PPP1R36: variants seen among roughly 807,000 people sequenced by gnomAD.
The protein encoded by PPP1R36 is protein phosphatase 1 regulatory subunit 36, also known as chromosome 14 open reading frame 50.
Under a neutral mutation model 53.4 loss-of-function variants are expected in PPP1R36, and 47 were observed. The ratio of observed to expected loss-of-function variants is 0.88; its 90% CI spans 0.70 to 1.12. PPP1R36 has a LOEUF of 1.12. Ranked by LOEUF, PPP1R36 falls within the 50% of genes most tolerant of loss-of-function variation. The probability of loss-of-function intolerance (pLI) is 0.00; values close to 1 mark genes in which losing one functional copy is unlikely to be tolerated. For synonymous variants in PPP1R36, 153 were observed against 170.5 expected (o/e 0.90, Z 0.80); for missense variants, 456 against 513.9 (o/e 0.89, Z 1.09).
chr14:64,565,826 C>A (rs969851456), intron 6 of PPP1R36, 134 bp downstream of exon 6: 4 of 686,544 alleles, frequency 5.8e-6, no homozygotes, highest in East Asian at 2.7e-5. Flanking sequence ...CCTCTCAGGA[C>A]CTAGTCACAA....
intron 8 of PPP1R36, among the ~76,000 whole-genome samples, chr14:64,580,301 C>T (rs901661215): frequency 7.9e-5 from 12 of 152,074 alleles, no homozygotes; most frequent in Non-Finnish European, 1.6e-4. Context: ...AACACCCTGC[C>T]TCAAAAAAAT....
At chr14:64,561,561 C>G (rs1451195581) in intron 3 of PPP1R36, among the ~76,000 whole-genome samples, 3 of 152,172 alleles carry the variant, frequency 2.0e-5, no homozygotes, top group Non-Finnish European at 4.4e-5. Flanking sequence ...TATCAGTTGT[C>G]AAGTTACTTA....
intron 3 of PPP1R36, 96 bp from the exon 4 acceptor site, chr14:64,564,655 A>T: frequency 1.3e-6 from 1 of 757,572 alleles, no homozygotes; most frequent in Non-Finnish European, 2.2e-6. Flanking sequence ...ATCTGCTGAT[A>T]ATATATGCTA....
intron 7 of PPP1R36, among the ~76,000 whole-genome samples, chr14:64,571,084 T>G (rs2080299587): frequency 6.6e-6 from 1 of 151,886 alleles, no homozygotes; most frequent in Non-Finnish European, 1.5e-5. Flanking sequence ...ATTAGAATTT[T>G]TAGCTTCTGA....
rs2080243247 is a variant in PPP1R36 at position 64,565,447 on chromosome 14, T to C, written c.360T>C (p.Asp120=). 2.5e-6 allele frequency: 4 copies of C among 1,608,148 alleles called. No individual in the cohort carries two copies. Among genetic ancestry groups the C allele is most frequent in the Non-Finnish European group, 3.4e-6 (4 of 1,174,762 alleles). Residue 120 remains aspartate, a synonymous_variant, in exon 5 of 12, where the codon GAT becomes GAC. Transcript: ENST00000298705. ...RGQQGTITLD[D]VKFVTLLLLQ... is the part of the protein sequence containing the mutation. Reference sequence around the variant, plus strand: ...AACAGGGCACCATTACACTGGATGATGTTAAATGTGAGTAACTGTTTCTTT... The same window carrying C: ...AACAGGGCACCATTACACTGGATGACGTTAAATGTGAGTAACTGTTTCTTT...
chr14:64,568,555 A>G (rs934841400), intron 7 of PPP1R36, 108 bp downstream of exon 7: 1 of 493,278 alleles, frequency 2.0e-6, no homozygotes, highest in Non-Finnish European at 3.6e-6. Context: ...TTTGAGATGT[A>G]CTAAGACATT....
At chr14:64,585,183 A>G (rs2080421066) in intron 8 of PPP1R36, among the ~76,000 whole-genome samples, 2 of 152,104 alleles carry the variant, frequency 1.3e-5, no homozygotes, top group Admixed American at 1.3e-4. Context: ...ACCAAGGCCA[A>G]TCCTCAGAGT....
intron 3 of PPP1R36, among the ~76,000 whole-genome samples, chr14:64,562,977 C>T (rs2080216992): frequency 6.6e-6 from 1 of 152,150 alleles, no homozygotes; most frequent in African/African-American, 2.4e-5. Flanking sequence ...AGCAATTCTC[C>T]TGCCTCAGCC....
At chr14:64,556,762 A>ATG (rs369620598) in intron 3 of PPP1R36, among the ~76,000 whole-genome samples, 11,850 of 133,932 alleles carry the variant, frequency 0.088, 538 homozygotes, top group African/African-American at 0.13. Context: ...TCTCCAAAAA[A>ATG]TGTGTGTGTG....
At chr14:64,554,986 T>C (rs1366245830) in intron 3 of PPP1R36, among the ~76,000 whole-genome samples, 1 of 152,146 alleles carries the variant, frequency 6.6e-6, no homozygotes, top group African/African-American at 2.4e-5. Context: ...AGTGGAATGA[T>C]TGAGGCCAGA....
Position 64,582,551 on chromosome 14 carries a change from TTG to T in PPP1R36, c.669-4285_669-4284del, listed in dbSNP as rs527418102. 2.0e-4 allele frequency among the ~76,000 whole-genome samples: 30 copies of T among 152,364 alleles called. No individual in the cohort carries two copies. The South Asian group carries it at 4.1e-3, about 21-fold the overall frequency. The stretch of plus-strand genomic sequence containing the variant: ...GGTGGCCACTTGCCACACGCGGCTG[TTG>T]AGCACTTTGAAATGTAGTAGTCCAA... On this transcript the variant is annotated intron_variant, in intron 8 of 11. Coordinates refer to ENST00000298705, the MANE Select transcript of PPP1R36 (RefSeq NM_172365.3).
intron 3 of PPP1R36, among the ~76,000 whole-genome samples, chr14:64,556,497 C>A (rs10142536): frequency 1.3e-5 from 2 of 151,688 alleles, no homozygotes; most frequent in African/African-American, 2.4e-5. Flanking sequence ...TGTGGTGGCT[C>A]ACACCTGCGA....
At chr14:64,566,688 G>A (rs1421290123) in intron 6 of PPP1R36, among the ~76,000 whole-genome samples, 2 of 152,280 alleles carry the variant, frequency 1.3e-5, no homozygotes, top group Non-Finnish European at 2.9e-5. Context: ...TTGGGTGCCC[G>A]ATGCCATTTG....
At chr14:64,567,560 T>C (rs756755556) in intron 6 of PPP1R36, among the ~76,000 whole-genome samples, 3 of 152,242 alleles carry the variant, frequency 2.0e-5, no homozygotes, top group Non-Finnish European at 4.4e-5. Context: ...AAAAAACATT[T>C]TGAAGGCATA....
chr14:64,561,469 T>C (rs1259750815), intron 3 of PPP1R36, among the ~76,000 whole-genome samples: 1 of 152,174 alleles, frequency 6.6e-6, no homozygotes, highest in Non-Finnish European at 1.5e-5. Context: ...TATTTATTAA[T>C]AGGTAGTTAA....
chr14:64,574,412 T>C (rs776955716), intron 7 of PPP1R36, 43 bp from the exon 8 acceptor site: 9 of 1,573,438 alleles, frequency 5.7e-6, no homozygotes, highest in African/African-American at 1.4e-5. Context: ...TAGGCACTTA[T>C]GACAATTAAC....
chr14:64,568,610 T>C (rs2080279623), intron 7 of PPP1R36, among the ~76,000 whole-genome samples, 163 bp downstream of exon 7: 1 of 152,086 alleles, frequency 6.6e-6, no homozygotes, highest in South Asian at 2.1e-4. Context: ...ACTGGATAAT[T>C]TATATGTGTA....
rs1321399204 is a variant in PPP1R36, at chr14:64,552,591, AG to A, written c.135-221del. The A allele has an allele frequency of 8.6e-6, 4 of 465,794 alleles. 1 individual carries two copies. The highest frequency in any genetic ancestry group is 1.6e-5 in the Non-Finnish European group (4 of 253,256). The allele number at this position is 465,794 out of a possible 1,614,324, so 28.9% of individuals were successfully genotyped here. A position where few individuals can be genotyped will look rare whatever the true frequency, so the allele number is the denominator to read the frequency against. On this transcript the variant is annotated intron_variant, in intron 2 of 11. Coordinates refer to ENST00000298705, the MANE Select transcript of PPP1R36 (RefSeq NM_172365.3). ...GGGCTGTTGGACAAATGGGGGCTGG[AG>A]GTCAGGAAAGGAGTTGGCTAAGCAG...
intron 11 of PPP1R36, 72 bp downstream of exon 11, chr14:64,588,367 C>G: frequency 1.5e-6 from 2 of 1,354,618 alleles, no homozygotes; most frequent in Non-Finnish European, 2.0e-6. Context: ...GGGGCAGGGG[C>G]CCAGGCACCA....
Sources: allele counts gnomAD v4.1 joint callset (sites outside exome capture counted in the v4.1 genomes callset), GRCh38; gene constraint gnomAD v4.1.1; transcripts MANE v1.5; gene names NCBI Gene and HGNC (gene_info 2026-07-23, HGNC 2026-07-21).